Variants in CNTLN observed in about 807,000 individuals in gnomAD.
CNTLN encodes the protein centlein, centrosomal protein.
CNTLN carries 212 observed loss-of-function variants against 180.0 expected under a neutral mutation model. The observed-to-expected ratio is 1.18, with a 90% confidence interval of 1.05 to 1.32. The LOEUF (loss-of-function observed/expected upper bound fraction) is 1.32. Ranked by LOEUF, CNTLN falls within the 40% of genes most tolerant of loss-of-function variation. CNTLN has a pLI of 0.00. For missense variants in CNTLN, 2,095 were observed against 1,610.9 expected, an observed-to-expected ratio of 1.30 and a Z score of -5.14; for synonymous variants, 722 against 563.1, an observed-to-expected ratio of 1.28 and a Z score of -3.99.
chr9:17,256,669 G>T (rs1008186224), intron 5 of CNTLN, among the ~76,000 whole-genome samples: 1 of 151,820 alleles, frequency 6.6e-6, no homozygotes, highest in Admixed American at 6.6e-5. Flanking sequence ...GCCGATCTGG[G>T]GAGGTTGGTT....
chr9:17,391,244 C>T (rs1826089133), intron 14 of CNTLN, among the ~76,000 whole-genome samples: 1 of 152,136 alleles, frequency 6.6e-6, no homozygotes, highest in Non-Finnish European at 1.5e-5. Context: ...CTTCCTTCCT[C>T]CCTGGGTATA....
chr9:17,372,823 A>G (rs1369712531), intron 13 of CNTLN, among the ~76,000 whole-genome samples: 1 of 152,196 alleles, frequency 6.6e-6, no homozygotes, highest in Non-Finnish European at 1.5e-5. Flanking sequence ...ATGGTTCAAC[A>G]TTTGGACATT....
chr9:17,330,280 G>A (rs1820554767), intron 8 of CNTLN, among the ~76,000 whole-genome samples: 1 of 151,956 alleles, frequency 6.6e-6, no homozygotes, highest in Non-Finnish European at 1.5e-5. Context: ...CCAGATGGTG[G>A]ATTGACTGTT....
At chr9:17,323,603 C>T (rs1820067189) in intron 8 of CNTLN, among the ~76,000 whole-genome samples, 1 of 152,172 alleles carries the variant, frequency 6.6e-6, no homozygotes, top group South Asian at 2.1e-4. Flanking sequence ...GAAGCTAAAA[C>T]ACTCCCTCAT....
At chr9:17,415,159 TTTGAAACCAAAAGTCAACAAGGCTTC>T (rs2133880585) in intron 16 of CNTLN, among the ~76,000 whole-genome samples, 1 of 152,270 alleles carries the variant, frequency 6.6e-6, no homozygotes, top group African/African-American at 2.4e-5. Flanking sequence ...GGTGAAACGT[TTTGAAACCAAAAGTCAACAAGGCTTC>T]CTTTTATTCA....
intron 18 of CNTLN, among the ~76,000 whole-genome samples, chr9:17,453,000 A>C (rs1438228756): frequency 6.6e-6 from 1 of 152,176 alleles, no homozygotes; most frequent in Non-Finnish European, 1.5e-5. Context: ...TAAATTGAAA[A>C]AGAACAAAAA....
chr9:17,251,149 A>G (rs986705535), intron 5 of CNTLN, among the ~76,000 whole-genome samples: 1 of 151,986 alleles, frequency 6.6e-6, no homozygotes, highest in Non-Finnish European at 1.5e-5. Flanking sequence ...GTGATGAGTC[A>G]CTTCTTTCTT....
the CNTLN span, among the ~76,000 whole-genome samples, chr9:17,525,924 T>G: frequency 6.6e-6 from 1 of 152,196 alleles, no homozygotes; most frequent in Non-Finnish European, 1.5e-5. Flanking sequence ...TATTTTTATT[T>G]ATTTTTCTAT....
At chr9:17,318,838 TTCCATCCATCCATCCATCCA>T (rs60102156) in intron 8 of CNTLN, among the ~76,000 whole-genome samples, 21 of 151,306 alleles carry the variant, frequency 1.4e-4, no homozygotes, top group South Asian at 4.2e-4. Context: ...CCATCCTTTA[TTCCATCCATCCATCCATCCA>T]TCCATCCATC....
the CNTLN span, among the ~76,000 whole-genome samples, chr9:17,515,750 G>A: frequency 0.016 from 2,463 of 152,216 alleles, 73 homozygotes; most frequent in African/African-American, 0.056. Context: ...AGTTCAGACC[G>A]TCAACTGAAC....
intron 2 of CNTLN, among the ~76,000 whole-genome samples, chr9:17,200,700 T>C (rs969477111): frequency 2.0e-5 from 3 of 152,224 alleles, no homozygotes; most frequent in African/African-American, 7.2e-5. Context: ...CCTGAGACTT[T>C]GCTGAAGTTG....
At chr9:17,371,002 G>T (rs1351820564) in intron 13 of CNTLN, among the ~76,000 whole-genome samples, 1 of 151,840 alleles carries the variant, frequency 6.6e-6, no homozygotes, top group Non-Finnish European at 1.5e-5. Flanking sequence ...TTTTATTTTA[G>T]GAGAAAAGGT....
intron 23 of CNTLN, among the ~76,000 whole-genome samples, chr9:17,473,507 G>A (rs1278801007): frequency 6.7e-6 from 1 of 149,986 alleles, no homozygotes; most frequent in East Asian, 1.9e-4. Context: ...AAGGACTTTG[G>A]CCCTGTAGTT....
chr9:17,435,352 A>T (rs1487573571), intron 18 of CNTLN, among the ~76,000 whole-genome samples: 2 of 152,112 alleles, frequency 1.3e-5, no homozygotes, highest in African/African-American at 4.8e-5. Context: ...AGTTATTTTT[A>T]TGAATTTATT....
At chr9:17,442,544 G>A (rs903811756) in intron 18 of CNTLN, among the ~76,000 whole-genome samples, 4 of 152,072 alleles carry the variant, frequency 2.6e-5, no homozygotes, top group East Asian at 1.9e-4. Context: ...GATTACAGGC[G>A]CGAGCCACCA....
rs547366339 is a variant in CNTLN at position 17,246,908 on chromosome 9, G to A, written c.849+10320G>A. On this transcript the variant is annotated intron_variant, in intron 5 of 25. Coordinates refer to ENST00000380647, the MANE Select transcript of CNTLN (RefSeq NM_017738.4). ...GAGTGTTTTTTTTTTCTGGTCCAGG[G>A]CATGGTTAGAAATGTTGTTCAGGAG... Among the ~76,000 whole-genome samples, 11 of 152,020 alleles carry A rather than the reference G, an allele frequency of 7.2e-5. 1 individual carries two copies. The South Asian group carries it at 2.3e-3, about 32-fold the overall frequency.
chr9:17,435,099 G>C (rs1829683232), intron 18 of CNTLN, among the ~76,000 whole-genome samples: 1 of 152,076 alleles, frequency 6.6e-6, no homozygotes, highest in Admixed American at 6.5e-5. Flanking sequence ...TTTTCTTCCT[G>C]ACTGTACGAG....
chr9:17,395,772 A>G lies in CNTLN; in HGVS notation c.2615+703A>G, dbSNP rs573467852. Among the ~76,000 whole-genome samples the G allele has an allele frequency of 2.0e-5, 3 of 152,234 alleles. No homozygotes were observed. The East Asian group carries it at 5.8e-4, about 29-fold the overall frequency. On this transcript the variant is annotated intron_variant, in intron 15 of 25. Transcript: ENST00000380647. The stretch of plus-strand genomic sequence containing the variant: ...ATGCTTCTTTCTCTTACCCCTGGCT[A>G]TACATTCATATATGCACTTGAAACA...
In CNTLN at chr9:17,164,526, G is replaced by T. The variant is rs532745121; in HGVS notation, c.449+21150G>T. 4.9e-3 allele frequency among the ~76,000 whole-genome samples: 640 copies of T among 131,818 alleles called. 6 individuals are homozygous for T. The highest frequency in any genetic ancestry group is 0.025 in the Middle Eastern group (6 of 238). 86.5% of individuals were successfully genotyped at this position (131,818 alleles called of 152,430 possible). A position where few individuals can be genotyped will look rare whatever the true frequency, so the allele number is the denominator to read the frequency against. On this transcript the variant is annotated intron_variant, in intron 2 of 25. Coordinates refer to ENST00000380647, the MANE Select transcript of CNTLN (RefSeq NM_017738.4). ...GTTGCCCAGGCTGGAGTGGAGTGAC[G>T]CTACCTCGGCTCACTGTGACCTCTG...
Sources: gnomAD v4.1 joint callset for allele counts (sites outside exome capture counted in the v4.1 genomes callset) on GRCh38, gnomAD v4.1.1 for gene constraint, MANE v1.5 for transcripts, NCBI Gene and HGNC (gene_info 2026-07-23, HGNC 2026-07-21) for gene names.